The following HDAC10 variants were observed in gnomAD, a reference collection of about 807,000 sequenced individuals.
HDAC10 encodes histone deacetylase 10.
A neutral mutation model predicts 82.3 loss-of-function variants in HDAC10; 90 were observed. That is an observed-to-expected ratio of 1.09 (90% CI 0.92 to 1.30). The LOEUF (loss-of-function observed/expected upper bound fraction) is 1.30, where lower values mean the gene tolerates loss of function less well. HDAC10 is among the 50% of genes most tolerant of loss of function. HDAC10 has a pLI of 0.00. For missense variants in HDAC10, 934 were observed against 876.3 expected (o/e 1.07, Z -0.83); for synonymous variants, 456 against 391.7 (o/e 1.16, Z -1.94).
At position 50,249,974 on chromosome 22, in the gene HDAC10, G is replaced by A; in HGVS notation, c.390-10C>T. The A allele has an allele frequency of 6.2e-7, 1 of 1,611,626 alleles. No homozygotes were observed. The highest frequency in any genetic ancestry group is 8.5e-7 in the Non-Finnish European group (1 of 1,178,894). On this transcript the variant is annotated splice_polypyrimidine_tract_variant and intron_variant, in intron 4 of 19. Coordinates refer to ENST00000216271, the MANE Select transcript of HDAC10 (RefSeq NM_032019.6). The surrounding 1 kb of genome is among the most constrained non-coding windows in gnomAD (Gnocchi z 4.4). ...ATGGTGCCCGGGAGGCCTACGGCGT[G>A]AGAGTAGGATTTGGGTCACGTCAGG...
Position 50,249,875 on chromosome 22 carries a change from T to C in HDAC10, c.479A>G (p.Lys160Arg), listed in dbSNP as rs781328750. 4 of 1,612,650 alleles carry C rather than the reference T, an allele frequency of 2.5e-6. No individual in the cohort carries two copies. ...TGGCACACACCTGTGTAGCCCGTGT[T>C]TCTGCTTGGCATGTGCAGCTGCTAT... ...VAIAAAHAKQ[K>R]HGLHRILVVD... is the part of the protein sequence containing the mutation. The change falls in exon 5 of 20, where the codon AAA becomes AGA. Residue 160 changes from lysine to arginine, a missense_variant. Transcript: ENST00000216271. The surrounding 1 kb of genome is among the most constrained non-coding windows in gnomAD (Gnocchi z 4.4).
intron 18 of HDAC10, 40 bp downstream of exon 18, chr22:50,245,870 C>T (rs1178640670): frequency 3.2e-6 from 5 of 1,551,742 alleles, no homozygotes; most frequent in Non-Finnish European, 4.4e-6. Context: ...GGTCCTTTCC[C>T]TCGTCCCACC....
chr22:50,250,970 T>C lies in HDAC10; in HGVS notation c.59+4A>G, dbSNP rs781323051. 6.2e-6 allele frequency: 10 copies of C among 1,612,440 alleles called. No homozygotes were observed. Among genetic ancestry groups the C allele is most frequent in the Non-Finnish European group, 8.5e-6 (10 of 1,179,638 alleles). On this transcript the variant is annotated splice_donor_region_variant and intron_variant, in intron 1 of 19. Transcript: ENST00000216271. Reference sequence around the variant, plus strand: ...GCACCCCACCTCGGCCAGGTCCCACTTACTCGTCCCAGAGCAGCCGGGTGG... The same window carrying C: ...GCACCCCACCTCGGCCAGGTCCCACCTACTCGTCCCAGAGCAGCCGGGTGG...
At chr22:50,250,257 G>C in intron 3 of HDAC10, 97 bp from the exon 4 acceptor site, 1 of 1,310,516 alleles carries the variant, frequency 7.6e-7, no homozygotes, top group Non-Finnish European at 1.1e-6. Context: ...ACCAGCTGCT[G>C]AGCAGAACAG....
In HDAC10 at chr22:50,248,168, G is replaced by C. The variant is rs757553507; in HGVS notation, c.1082-23C>G. ...CATCTAGGGACAGTTCGGAGTCATA[G>C]CCACTGCACAGGAGCCCGAGGTGGG... On this transcript the variant is annotated intron_variant, in intron 12 of 19. Transcript: ENST00000216271. This position sits in a 1 kb window ranked among gnomAD's most constrained non-coding sequence, Gnocchi z 5.4. 6.3e-7 allele frequency: 1 copy of C among 1,594,172 alleles called. No individual in the cohort carries two copies. Among genetic ancestry groups the C allele is most frequent in the Non-Finnish European group, 8.5e-7 (1 of 1,170,420 alleles).
In HDAC10 at chr22:50,249,718, C is replaced by A. The variant is rs780500823; in HGVS notation, c.495-15G>T. On this transcript the variant is annotated splice_polypyrimidine_tract_variant and intron_variant, in intron 5 of 19. Transcript: ENST00000216271. The surrounding 1 kb of genome is among the most constrained non-coding windows in gnomAD (Gnocchi z 4.4). ...CGACGAGGATCCTGGGTACAGACAG[C>A]GCTGGTGGCAAAGGGGCAGGGCCTC... The A allele has an allele frequency of 1.2e-6, 2 of 1,612,484 alleles. No individual in the cohort carries two copies. The highest frequency in any genetic ancestry group is 2.2e-5 in the South Asian group (2 of 91,072).
rs779538109 is a variant in HDAC10 at position 50,246,952 on chromosome 22, TA to T, written c.1436del (p.Ile479LysfsTer51). 7 of 1,607,892 alleles carry T rather than the reference TA, an allele frequency of 4.4e-6. No individual in the cohort carries two copies. ...CTGCAGCAGAGGCTGGAGTGGCTGCTATACCACTGTTCACCTGTGGGATGAA... is the reference window on the plus strand; with the variant it reads ...CTGCAGCAGAGGCTGGAGTGGCTGCTTACCACTGTTCACCTGTGGGATGAA... ...GMLDGQVNSG[I>X]AATPASAAAA... On this transcript the variant is annotated frameshift_variant, in exon 15 of 20. Coordinates refer to ENST00000216271, the MANE Select transcript of HDAC10 (RefSeq NM_032019.6). LOFTEE classifies it high-confidence loss of function.
intron 14 of HDAC10, 123 bp from the exon 15 acceptor site, chr22:50,247,089 A>G (rs1181817431): frequency 8.5e-6 from 5 of 590,182 alleles, no homozygotes; most frequent in East Asian, 5.8e-5. Context: ...ATCTTCTTAC[A>G]CTAAGGTCAA....
chr22:50,248,741 T>C lies in HDAC10; in HGVS notation c.827A>G (p.Gln276Arg). 2 of 1,580,198 alleles carry C rather than the reference T, an allele frequency of 1.3e-6. No homozygotes were observed. Among genetic ancestry groups the C allele is most frequent in the Non-Finnish European group, 1.7e-6 (2 of 1,163,108 alleles). Reference sequence around the variant, plus strand: ...GTGGGCGAAGCACTCTGGCGTGGCCTGCATTTGCCCCTGGAACCAGAGCCA... The same window carrying C: ...GTGGGCGAAGCACTCTGGCGTGGCCCGCATTTGCCCCTGGAACCAGAGCCA... ...SAIGDPEGQM[Q>R]ATPECFAHLT... Residue 276 changes from glutamine to arginine, a missense_variant, in exon 10 of 20, where the codon CAG (glutamine) becomes CGG (arginine). Coordinates refer to ENST00000216271, the MANE Select transcript of HDAC10 (RefSeq NM_032019.6). This position sits in a 1 kb window ranked among gnomAD's most constrained non-coding sequence, Gnocchi z 5.4.
Position 50,246,969 on chromosome 22 carries a change from G to A in HDAC10, c.1423-3C>T, listed in dbSNP as rs748437134. On this transcript the variant is annotated splice_polypyrimidine_tract_variant and splice_region_variant and intron_variant, in intron 14 of 19. Coordinates refer to ENST00000216271, the MANE Select transcript of HDAC10 (RefSeq NM_032019.6). Reference sequence around the variant, plus strand: ...GTGGCTGCTATACCACTGTTCACCTGTGGGATGAATAAACAGTGGAGAATG... The same window carrying A: ...GTGGCTGCTATACCACTGTTCACCTATGGGATGAATAAACAGTGGAGAATG... The A allele has an allele frequency of 4.6e-5, 73 of 1,590,380 alleles. No individual in the cohort carries two copies. Among genetic ancestry groups the A allele is most frequent in the Non-Finnish European group, 5.2e-6 (6 of 1,164,568 alleles).
In HDAC10 at chr22:50,248,427, C is replaced by T. The variant is rs753834561; in HGVS notation, c.952G>A (p.Val318Ile). 1.6e-5 allele frequency: 26 copies of T among 1,608,548 alleles called. 1 individual carries two copies. In the South Asian group the frequency reaches 2.6e-4, roughly 16 times the overall value. ...GCCGGGTCACCCAGCAGCGTCTGTA[C>T]TGTCATGCACACTGACTCCGCCAGT... is the stretch of plus-strand genomic sequence containing the variant. ...ESLAESVCMT[V>I]QTLLGDPAPP... Residue 318 changes from valine to isoleucine, a missense_variant, in exon 11 of 20, where the codon GTA (valine) becomes ATA (isoleucine). Coordinates refer to ENST00000216271, the MANE Select transcript of HDAC10 (RefSeq NM_032019.6). This position sits in a 1 kb window ranked among gnomAD's most constrained non-coding sequence, Gnocchi z 5.4.
rs775668209 is a variant in HDAC10 at position 50,248,850 on chromosome 22, G to A, written c.797C>T (p.Ser266Leu). 23 of 1,611,354 alleles carry A rather than the reference G, an allele frequency of 1.4e-5. No homozygotes were observed. Among genetic ancestry groups the A allele is most frequent in the East Asian group, 2.2e-5 (1 of 44,862 alleles). The change falls in exon 9 of 20, where the codon TCA becomes TTA. Residue 266 changes from serine to leucine, a missense_variant. Physicochemically the swap from Ser to Leu is moderately radical, Grantham distance 145. Transcript: ENST00000216271. This position sits in a 1 kb window ranked among gnomAD's most constrained non-coding sequence, Gnocchi z 5.4. ...ELVLVSAGFD[S>L]AIGDPEGQMQ... Reference sequence around the variant, plus strand: ...CCTCACCTCAGGGTCCCCGATGGCTGAGTCAAATCCTGCCGAGACCAGCAC... The same window carrying A: ...CCTCACCTCAGGGTCCCCGATGGCTAAGTCAAATCCTGCCGAGACCAGCAC...
intron 19 of HDAC10, 72 bp from the exon 20 acceptor site, chr22:50,245,602 C>A: frequency 6.3e-7 from 1 of 1,593,612 alleles, no homozygotes; most frequent in Admixed American, 1.7e-5. Flanking sequence ...ACTCCCCTGC[C>A]CTGCCCTCCC....
At position 50,250,890 on chromosome 22, in the gene HDAC10, G is replaced by A. The variant is rs759311800; in HGVS notation, c.75C>T (p.Ile25=). The change falls in exon 2 of 20, where the codon ATC becomes ATT. Residue 25 remains isoleucine (I), a synonymous_variant. Transcript: ENST00000216271. Reference sequence around the variant, plus strand: ...CTGCGGTCAGGCGCTCAGGACGCTCGATCTCGCACTCGGGGCTGGGGCAGA... The same window carrying A: ...CTGCGGTCAGGCGCTCAGGACGCTCAATCTCGCACTCGGGGCTGGGGCAGA... ...RLLWDDPECE[I]ERPERLTAAL... 1.2e-5 allele frequency: 20 copies of A among 1,602,058 alleles called. No homozygotes were observed. The Admixed American group carries it at 3.2e-4, about 26-fold the overall frequency.
At position 50,250,922 on chromosome 22, in the gene HDAC10, G is replaced by A. The variant is rs756784332; in HGVS notation, c.60-17C>T. On this transcript the variant is annotated splice_polypyrimidine_tract_variant and intron_variant, in intron 1 of 19. Transcript: ENST00000216271. The stretch of plus-strand genomic sequence containing the variant: ...CACTCGGGGCTGGGGCAGATGAGGA[G>A]CTCAGTTCAGAGGTCCCTCCCCGCA... The A allele has an allele frequency of 5.0e-6, 8 of 1,606,836 alleles. No individual in the cohort carries two copies. In the African/African-American group the frequency reaches 8.0e-5, roughly 16 times the overall value.
At position 50,251,174 on chromosome 22, in the gene HDAC10, G is replaced by T; in HGVS notation, c.-142C>A. 1 of 807,310 alleles carries T rather than the reference G, an allele frequency of 1.2e-6. No homozygotes were observed. Among genetic ancestry groups the T allele is most frequent in the Non-Finnish European group, 1.9e-6 (1 of 514,322 alleles). 50.0% of individuals were successfully genotyped at this position (807,310 alleles called of 1,614,324 possible). ...CGGGCGGCGGGCACCGGCCTGGGCGGGAGCGCACAGAACCTAGGCAGGCTC... is the reference window on the plus strand; with the variant it reads ...CGGGCGGCGGGCACCGGCCTGGGCGTGAGCGCACAGAACCTAGGCAGGCTC... On this transcript the variant is annotated 5_prime_UTR_variant, in exon 1 of 20. Coordinates refer to ENST00000216271, the MANE Select transcript of HDAC10 (RefSeq NM_032019.6).
Position 50,247,957 on chromosome 22 carries a change from C to A in HDAC10, c.1270G>T (p.Val424Phe), listed in dbSNP as rs1176054988. The A allele has an allele frequency of 1.9e-6, 3 of 1,612,842 alleles. No individual in the cohort carries two copies. In the South Asian group the frequency reaches 3.3e-5, roughly 18 times the overall value. The stretch of plus-strand genomic sequence containing the variant: ...TGTTGGATGACGTCAGGGGGCAGAA[C>A]CAATGTGATATCCGGCGTTGTCAGG... ...VALTTPDITL[V>F]LPPDVIQQEA... The change falls in exon 13 of 20, where the codon GTT (valine) becomes TTT (phenylalanine). Residue 424 changes from valine (V) to phenylalanine (F), a missense_variant. Physicochemically the swap from Val to Phe is conservative, Grantham distance 50 (BLOSUM62 -1). Coordinates refer to ENST00000216271, the MANE Select transcript of HDAC10 (RefSeq NM_032019.6).
Position 50,246,022 on chromosome 22 carries a change from A to G in HDAC10, c.1721T>C (p.Leu574Pro). 6.2e-7 allele frequency: 1 copy of G among 1,612,778 alleles called. No individual in the cohort carries two copies. Among genetic ancestry groups the G allele is most frequent in the Non-Finnish European group, 8.5e-7 (1 of 1,179,846 alleles). Residue 574 changes from leucine to proline, a missense_variant, in exon 18 of 20, where the codon CTG becomes CCG. Coordinates refer to ENST00000216271, the MANE Select transcript of HDAC10 (RefSeq NM_032019.6). ...LPLAYGFQPD[L>P]VLVALGPGHG... ...GCCAGGCCCCAGCGCCACCAGCACC[A>G]GGTCAGGCTGGAAGCCATAGGCCAG... is the stretch of plus-strand genomic sequence containing the variant.
In HDAC10 at chr22:50,245,951, G is replaced by T; in HGVS notation, c.1792C>A (p.Arg598=). The T allele has an allele frequency of 6.2e-7, 1 of 1,601,536 alleles. No individual in the cohort carries two copies. The highest frequency in any genetic ancestry group is 2.3e-5 in the East Asian group (1 of 44,192). The change falls in exon 18 of 20, where the codon CGG becomes AGG. Residue 598 remains arginine (R), a synonymous_variant. Coordinates refer to ENST00000216271, the MANE Select transcript of HDAC10 (RefSeq NM_032019.6). The part of the protein sequence containing the change: ...PHAALLAAML[R]GLAGGRVLAL... ...AGGACTCGGCCCCCTGCCAGCCCCCGAAGCATTGCAGCCAGGAGTGCAGCG... is the reference window on the plus strand; with the variant it reads ...AGGACTCGGCCCCCTGCCAGCCCCCTAAGCATTGCAGCCAGGAGTGCAGCG...
Sources: allele counts gnomAD v4.1 joint callset, GRCh38; gene constraint gnomAD v4.1.1; non-coding constraint Gnocchi (gnomAD v3.1); transcripts MANE v1.5; gene names NCBI Gene and HGNC (gene_info 2026-07-23, HGNC 2026-07-21).